Variants in GSS observed in about 807,000 individuals in gnomAD.
GSS encodes the protein glutathione synthetase.
A neutral mutation model predicts 60.4 loss-of-function variants in GSS; 34 were observed. That is an observed-to-expected ratio of 0.56 (90% CI 0.43 to 0.75). The LOEUF is 0.75. Among genes scored for constraint, GSS ranks in the 30% least tolerant of loss-of-function variants. The pLI is 0.00. For synonymous variants in GSS, 224 were observed against 239.0 expected (o/e 0.94, Z 0.58); for missense variants, 499 against 595.1 (o/e 0.84, Z 1.68).
chr20:34,931,502 A>T, intron 10 of GSS, 85 bp from the exon 11 acceptor site: 1 of 1,069,704 alleles, frequency 9.3e-7, no homozygotes, highest in Non-Finnish European at 1.4e-6. Flanking sequence ...GCAGAGCAGC[A>T]TCAGAGGAAG....
intron 1 of GSS, among the ~76,000 whole-genome samples, chr20:34,953,889 G>A (rs907878900): frequency 6.6e-6 from 1 of 152,222 alleles, no homozygotes; most frequent in African/African-American, 2.4e-5. Flanking sequence ...TTACAGGCGT[G>A]AGCCACCCCG....
intron 2 of GSS, among the ~76,000 whole-genome samples, chr20:34,946,943 G>T (rs1342701429): frequency 6.6e-6 from 1 of 152,184 alleles, no homozygotes; most frequent in Non-Finnish European, 1.5e-5. Context: ...AACTGAACTA[G>T]AACTTGGGTA....
At chr20:34,955,453 T>C (rs2081616188) in intron 1 of GSS, 1 of 152,206 alleles carries the variant, frequency 6.6e-6, no homozygotes, top group Non-Finnish European at 1.5e-5. Flanking sequence ...TTGGCCCTAA[T>C]CGCTCCCCGT....
intron 1 of GSS, chr20:34,952,572 A>AT (rs2147137607): frequency 6.5e-6 from 1 of 153,506 alleles, no homozygotes; most frequent in African/African-American, 2.4e-5. Flanking sequence ...AGTAGCTGGG[A>AT]TTACAGGCAC....
intron 12 of GSS, 54 bp from the exon 13 acceptor site, chr20:34,929,005 G>A (rs1286456277): frequency 6.2e-7 from 1 of 1,610,880 alleles, no homozygotes; most frequent in East Asian, 2.2e-5. Context: ...CCCAAACCCA[G>A]GACCTTCCCT....
chr20:34,931,312 C>A lies in GSS; in HGVS notation c.1111+24G>T, dbSNP rs768630694. 29 of 1,576,002 alleles carry A rather than the reference C, an allele frequency of 1.8e-5. No homozygotes were observed. In the South Asian group the frequency reaches 2.9e-4, roughly 16 times the overall value. On this transcript the variant is annotated intron_variant, in intron 11 of 12. Coordinates refer to ENST00000651619, the MANE Select transcript of GSS (RefSeq NM_000178.4). Reference sequence around the variant, plus strand: ...CCTGCTAGTCCCTCTCATTGAGGAGCCCTGCAAAGGGAGATCCACCTACCT... The same window carrying A: ...CCTGCTAGTCCCTCTCATTGAGGAGACCTGCAAAGGGAGATCCACCTACCT...
At chr20:34,944,188 G>A (rs1356261684) in intron 3 of GSS, among the ~76,000 whole-genome samples, 1 of 152,174 alleles carries the variant, frequency 6.6e-6, no homozygotes, top group Non-Finnish European at 1.5e-5. Context: ...TTTCTGAAGA[G>A]GTGCTCCCCT....
intron 2 of GSS, chr20:34,949,300 G>C (rs2081547705): frequency 6.6e-6 from 1 of 152,140 alleles, no homozygotes; most frequent in African/African-American, 2.4e-5. Flanking sequence ...CTGATCTACA[G>C]GATAAAGTTC....
chr20:34,938,146 C>T (rs1302679615), intron 6 of GSS, among the ~76,000 whole-genome samples: 2 of 152,218 alleles, frequency 1.3e-5, no homozygotes, highest in Admixed American at 6.5e-5. Flanking sequence ...GTGTGAGCCA[C>T]TGCGCTCAGC....
At chr20:34,944,261 G>C (rs1472746075) in intron 3 of GSS, among the ~76,000 whole-genome samples, 1 of 152,170 alleles carries the variant, frequency 6.6e-6, no homozygotes, top group Non-Finnish European at 1.5e-5. Context: ...TGAGAGGAGA[G>C]AGGAACAGAG....
rs143930256 is a variant in GSS, at chr20:34,938,795, A to G, written c.609-1772T>C. 3.1e-3 allele frequency among the ~76,000 whole-genome samples: 473 copies of G among 152,298 alleles called. 2 individuals are homozygous for G. The highest frequency in any genetic ancestry group is 0.018 in the South Asian group (89 of 4,824). ...TCTCAGCAGTCTGTTTCCTAGTAGG[A>G]AAGTTGTCAGCTAAGGACGCATGCG... On this transcript the variant is annotated intron_variant, in intron 6 of 12. Coordinates refer to ENST00000651619, the MANE Select transcript of GSS (RefSeq NM_000178.4).
chr20:34,951,706 G>A lies in GSS; in HGVS notation c.129+18C>T, dbSNP rs1446561503. ...AGTGGGCCATGGTGAATGCTGTGGG[G>A]AGGAGCTAGGGGCTTACCTCCGAGG... On this transcript the variant is annotated intron_variant, in intron 2 of 12. Coordinates refer to ENST00000651619, the MANE Select transcript of GSS (RefSeq NM_000178.4). The A allele has an allele frequency of 2.5e-6, 4 of 1,594,198 alleles. No homozygotes were observed. The highest frequency in any genetic ancestry group is 1.1e-5 in the South Asian group (1 of 88,546).
intron 3 of GSS, among the ~76,000 whole-genome samples, chr20:34,944,766 T>C (rs2081507518): frequency 6.6e-6 from 1 of 152,192 alleles, no homozygotes; most frequent in South Asian, 2.1e-4. Context: ...ATATTTTAAT[T>C]AATTTTGTGC....
At chr20:34,929,887 T>C (rs896282995) in intron 11 of GSS, among the ~76,000 whole-genome samples, 2 of 152,150 alleles carry the variant, frequency 1.3e-5, no homozygotes, top group African/African-American at 4.8e-5. Flanking sequence ...CCCAGGGGAA[T>C]TGGTCCTCCA....
At chr20:34,933,523 A>C (rs1451094513) in intron 9 of GSS, 1 of 153,650 alleles carries the variant, frequency 6.5e-6, no homozygotes, top group Non-Finnish European at 1.5e-5. Flanking sequence ...TTCTCATGCA[A>C]TGGGGAGACA....
At chr20:34,935,513 G>A in intron 9 of GSS, 63 bp downstream of exon 9, 1 of 1,078,712 alleles carries the variant, frequency 9.3e-7, no homozygotes. Context: ...AGCCTGAATT[G>A]GGTCTCTGTG....
chr20:34,944,409 G>A (rs1023065237), intron 3 of GSS, among the ~76,000 whole-genome samples: 1 of 152,172 alleles, frequency 6.6e-6, no homozygotes, highest in Non-Finnish European at 1.5e-5. Context: ...CAGCTCAGGG[G>A]CAAGGTGGTG....
Position 34,935,607 on chromosome 20 carries a change from T to C in GSS, c.803A>G (p.Asp268Gly), listed in dbSNP as rs746499783. Residue 268 changes from aspartate (D) to glycine (G), a missense_variant, in exon 9 of 13, where the codon GAT becomes GGT. Physicochemically the swap from Asp to Gly is moderately conservative, Grantham distance 94. Transcript: ENST00000651619. ...ACTGTACTGACGAGGCATGTAGCCA[T>C]CCCGGAAGTAAACCACAGCAATTTC... ...GQEIAVVYFR[D>G]GYMPRQYSLQ... 6.2e-7 allele frequency: 1 copy of C among 1,613,448 alleles called. No homozygotes were observed. The highest frequency in any genetic ancestry group is 1.3e-5 in the African/African-American group (1 of 74,978).
rs575194871 is a variant in GSS at position 34,931,236 on chromosome 20, C to T, written c.1111+100G>A. ...GCCTGTGTCAGTTCCAATAGTTTCC[C>T]CCATGCCCGGGACTGTGCCCAGAGT... On this transcript the variant is annotated intron_variant, in intron 11 of 12. Transcript: ENST00000651619. The T allele has an allele frequency of 1.2e-4, 118 of 950,878 alleles. No individual in the cohort carries two copies. In the African/African-American group the frequency reaches 1.8e-3, roughly 14 times the overall value. The allele number at this position is 950,878 out of a possible 1,614,324, so 58.9% of individuals were successfully genotyped here.
Sources: allele counts gnomAD v4.1 joint callset (sites outside exome capture counted in the v4.1 genomes callset), GRCh38; gene constraint gnomAD v4.1.1; transcripts MANE v1.5; gene names NCBI Gene and HGNC (gene_info 2026-07-23, HGNC 2026-07-21).